Variants in PITPNC1 observed in about 807,000 individuals in gnomAD.
The protein encoded by PITPNC1 is cytoplasmic phosphatidylinositol transfer protein 1.
Under a neutral mutation model 44.7 loss-of-function variants are expected in PITPNC1, and 18 were observed. The observed-to-expected ratio is 0.40, with a 90% CI of 0.28 to 0.60. The LOEUF (loss-of-function observed/expected upper bound fraction) is 0.60. Ranked by LOEUF, PITPNC1 falls within the 20% of genes least tolerant of loss-of-function variation. PITPNC1 has a pLI of 0.39. For missense variants in PITPNC1, 290 were observed against 418.4 expected, an observed-to-expected ratio of 0.69 and a Z score of 2.68; for synonymous variants, 141 against 149.6, an observed-to-expected ratio of 0.94 and a Z score of 0.42.
chr17:67,672,168 A>T (rs574315337), intron 7 of PITPNC1, among the ~76,000 whole-genome samples: 2 of 151,868 alleles, frequency 1.3e-5, no homozygotes, highest in Admixed American at 1.3e-4. Context: ...TCCTAACCTT[A>T]AGTGATTTGC....
intron 8 of PITPNC1, among the ~76,000 whole-genome samples, chr17:67,686,202 A>AT (rs1180743462): frequency 6.7e-6 from 1 of 150,014 alleles, no homozygotes; most frequent in Non-Finnish European, 1.5e-5. Context: ...GGACCAGATA[A>AT]TTTTTTGTTG....
intron 1 of PITPNC1, among the ~76,000 whole-genome samples, chr17:67,413,791 T>G (rs1445343516): frequency 6.6e-6 from 1 of 152,192 alleles, no homozygotes; most frequent in East Asian, 1.9e-4. Context: ...ATGCTTTTCC[T>G]AGGGCAGTTT....
chr17:67,435,393 T>A (rs554090715), intron 1 of PITPNC1, among the ~76,000 whole-genome samples: 61 of 152,290 alleles, frequency 4.0e-4, no homozygotes, highest in Non-Finnish European at 6.6e-4. Context: ...GTGTCTAACA[T>A]GTTACCCAGC....
At chr17:67,425,077 T>G (rs528417436) in intron 1 of PITPNC1, among the ~76,000 whole-genome samples, 1 of 151,944 alleles carries the variant, frequency 6.6e-6, no homozygotes, top group African/African-American at 2.4e-5. Context: ...TCCTCCAAAT[T>G]CCACCGCCTA....
At chr17:67,432,022 T>C (rs1026328734) in intron 1 of PITPNC1, among the ~76,000 whole-genome samples, 2 of 152,342 alleles carry the variant, frequency 1.3e-5, no homozygotes, top group East Asian at 1.9e-4. Context: ...CTTGACACTC[T>C]TGGGAAACGA....
chr17:67,414,138 A>C (rs2038551443), intron 1 of PITPNC1, among the ~76,000 whole-genome samples: 1 of 151,592 alleles, frequency 6.6e-6, no homozygotes, highest in Admixed American at 6.6e-5. Context: ...TTGGACTCCC[A>C]TGTACCCTCA....
At chr17:67,616,135 TTTTG>T (rs759969310) in intron 5 of PITPNC1, among the ~76,000 whole-genome samples, 74 of 152,188 alleles carry the variant, frequency 4.9e-4, no homozygotes, top group African/African-American at 1.3e-3. Context: ...CTGTCCTCTT[TTTTG>T]TTTGTTTGTT....
chr17:67,630,285 C>T (rs190292789), intron 5 of PITPNC1, among the ~76,000 whole-genome samples: 3 of 152,358 alleles, frequency 2.0e-5, no homozygotes, highest in Non-Finnish European at 4.4e-5. Context: ...GATGTGGCTA[C>T]AGTTAAGACT....
intron 1 of PITPNC1, among the ~76,000 whole-genome samples, chr17:67,493,484 G>C (rs1263899565): frequency 6.6e-6 from 1 of 152,174 alleles, no homozygotes; most frequent in Non-Finnish European, 1.5e-5. Flanking sequence ...CCATAACTTA[G>C]GATGCAACCA....
intron 5 of PITPNC1, among the ~76,000 whole-genome samples, chr17:67,621,049 G>A (rs1008811805): frequency 6.6e-6 from 1 of 151,976 alleles, no homozygotes; most frequent in Non-Finnish European, 1.5e-5. Context: ...CTTTCTTCAC[G>A]ACACCAATTG....
intron 5 of PITPNC1, among the ~76,000 whole-genome samples, chr17:67,623,123 A>AT (rs2041854708): frequency 1.3e-5 from 2 of 151,580 alleles, no homozygotes; most frequent in South Asian, 4.2e-4. Flanking sequence ...AAAAAAAAAA[A>AT]AAAAAAAAAG....
At chr17:67,589,332 C>A (rs530975645) in intron 5 of PITPNC1, among the ~76,000 whole-genome samples, 1 of 152,164 alleles carries the variant, frequency 6.6e-6, no homozygotes, top group African/African-American at 2.4e-5. Flanking sequence ...GAACTTACCG[C>A]GGATAATCAT....
chr17:67,494,919 G>A (rs906081818), intron 1 of PITPNC1, among the ~76,000 whole-genome samples: 10 of 151,794 alleles, frequency 6.6e-5, no homozygotes, highest in Non-Finnish European at 1.3e-4. Context: ...GCTGCAGTGA[G>A]CTGTGACTGT....
chr17:67,385,269 T>A (rs2038024919), intron 1 of PITPNC1, among the ~76,000 whole-genome samples: 1 of 152,206 alleles, frequency 6.6e-6, no homozygotes, highest in South Asian at 2.1e-4. Flanking sequence ...TGTGGCTAGC[T>A]AGCGGTTTCT....
intron 2 of PITPNC1, among the ~76,000 whole-genome samples, chr17:67,546,175 T>TCAAAAACAAAAACAAAAA (rs72432781): frequency 6.7e-6 from 1 of 148,444 alleles, no homozygotes; most frequent in African/African-American, 2.5e-5. Context: ...AGACTCCATC[T>TCAAAAACAAAAACAAAAA]CAAAAACAAA....
At chr17:67,458,548 C>T (rs549478262) in intron 1 of PITPNC1, among the ~76,000 whole-genome samples, 1 of 151,940 alleles carries the variant, frequency 6.6e-6, no homozygotes, top group East Asian at 1.9e-4. Flanking sequence ...TACTTTTTTC[C>T]CAGTATATTC....
At chr17:67,687,225 A>T (rs770408206) in intron 8 of PITPNC1, 4 of 1,044,290 alleles carry the variant, frequency 3.8e-6, no homozygotes, top group African/African-American at 1.6e-5. Flanking sequence ...CCCTTTCACA[A>T]ATGCACATGT....
At chr17:67,581,367 C>T (rs1263130973) in intron 5 of PITPNC1, among the ~76,000 whole-genome samples, 1 of 152,234 alleles carries the variant, frequency 6.6e-6, no homozygotes, top group Non-Finnish European at 1.5e-5. Context: ...ACACAGTTTG[C>T]TTCCTCTAGG....
At chr17:67,614,667 G>A (rs1451570030) in intron 5 of PITPNC1, among the ~76,000 whole-genome samples, 4 of 143,804 alleles carry the variant, frequency 2.8e-5, no homozygotes, top group African/African-American at 5.2e-5. Flanking sequence ...GTGAGACTCC[G>A]TCTCAAAAAA....
Sources: gnomAD v4.1 joint callset for allele counts (sites outside exome capture counted in the v4.1 genomes callset) on GRCh38, gnomAD v4.1.1 for gene constraint, MANE v1.5 for transcripts, NCBI Gene and HGNC (gene_info 2026-07-23, HGNC 2026-07-21) for gene names.